FARP1: variants seen among roughly 807,000 people sequenced by gnomAD.
The protein encoded by FARP1 is FERM, ARH/RhoGEF and pleckstrin domain protein 1.
In FARP1, 52 loss-of-function variants were observed where a neutral mutation model predicts 128.8. The ratio of observed to expected loss-of-function variants is 0.40; its 90% CI spans 0.32 to 0.51. The LOEUF is 0.51. Among genes scored for constraint, FARP1 ranks in the 20% least tolerant of loss-of-function variants. The pLI is 0.45. For missense variants in FARP1, 1,333 were observed against 1,367.9 expected (o/e 0.97, Z 0.40); for synonymous variants, 580 against 551.8 (o/e 1.05, Z -0.72).
chr13:98,146,047 T>C (rs77405029), intron 1 of FARP1, among the ~76,000 whole-genome samples: 2,369 of 152,226 alleles, frequency 0.016, 39 homozygotes, highest in Middle Eastern at 0.058. Context: ...TATATATTTA[T>C]GAGGAGGATG....
At chr13:98,265,529 C>T (rs1361031027) in intron 2 of FARP1, among the ~76,000 whole-genome samples, 8 of 150,988 alleles carry the variant, frequency 5.3e-5, no homozygotes, top group African/African-American at 1.5e-4. Context: ...CCGTTTTAGC[C>T]GGGATGGTCT....
At chr13:98,164,162 A>G (rs529424226) in intron 1 of FARP1, among the ~76,000 whole-genome samples, 2 of 152,342 alleles carry the variant, frequency 1.3e-5, no homozygotes, top group African/African-American at 4.8e-5. Flanking sequence ...AGCATGTAAG[A>G]TTGTGCAGGA....
intron 17 of FARP1, among the ~76,000 whole-genome samples, 199 bp from the exon 18 acceptor site, chr13:98,430,844 T>C (rs1032866938): frequency 6.6e-6 from 1 of 152,232 alleles, no homozygotes; most frequent in Non-Finnish European, 1.5e-5. Flanking sequence ...AGTACCTTAA[T>C]AGGCCTTTTT....
At position 98,453,401 on chromosome 13, in the gene FARP1, A is replaced by C; in HGVS notation, c.*5084A>C. 1.7e-6 allele frequency: 1 copy of C among 605,458 alleles called. No homozygotes were observed. Among genetic ancestry groups the C allele is most frequent in the Admixed American group, 3.4e-5 (1 of 29,370 alleles). The allele number at this position is 605,458 out of a possible 1,614,324, so 37.5% of individuals were successfully genotyped here. ...AGACTGAGAAGATCATGATTCTTAC[A>C]CAAAAACTCCAGAGCATGTCACCAA... On this transcript the variant is annotated 3_prime_UTR_variant, in exon 27 of 27. Coordinates refer to ENST00000319562, the MANE Select transcript of FARP1 (RefSeq NM_005766.4).
intron 2 of FARP1, among the ~76,000 whole-genome samples, chr13:98,232,757 A>G (rs923939275): frequency 1.3e-5 from 2 of 152,352 alleles, no homozygotes; most frequent in African/African-American, 4.8e-5. Context: ...AACCAAACTC[A>G]TAGTATCTCC....
chr13:98,362,504 C>T (rs1252200439), intron 3 of FARP1, among the ~76,000 whole-genome samples: 4 of 152,208 alleles, frequency 2.6e-5, no homozygotes, highest in Non-Finnish European at 5.9e-5. Context: ...GTCCATGACA[C>T]AGTTCTCTCC....
chr13:98,409,611 T>A, intron 14 of FARP1, 86 bp downstream of exon 14: 2 of 1,267,282 alleles, frequency 1.6e-6, no homozygotes, highest in Non-Finnish European at 2.1e-6. Context: ...AAAATATACA[T>A]AAGAGCAAAG....
intron 2 of FARP1, among the ~76,000 whole-genome samples, chr13:98,341,422 A>G (rs1397972531): frequency 6.6e-6 from 1 of 152,286 alleles, no homozygotes; most frequent in South Asian, 2.1e-4. Context: ...TTACGAGGTC[A>G]GGAGTTCGAG....
rs1346867682 is a variant in FARP1, at chr13:98,424,624, A to G, written c.1879A>G (p.Met627Val). 2 of 1,613,838 alleles carry G rather than the reference A, an allele frequency of 1.2e-6. No homozygotes were observed. The highest frequency in any genetic ancestry group is 1.7e-5 in the Admixed American group (1 of 60,026). ...IRDYQRIGDV[M>V]LKNIQGMKHL... ...AGATTACCAAAGAATCGGCGATGTCATGCTGAAGAACATTCAGGGCATGAA... is the reference window on the plus strand; with the variant it reads ...AGATTACCAAAGAATCGGCGATGTCGTGCTGAAGAACATTCAGGGCATGAA... The change falls in exon 17 of 27, where the codon ATG becomes GTG. Residue 627 changes from methionine to valine, a missense_variant. Coordinates refer to ENST00000319562, the MANE Select transcript of FARP1 (RefSeq NM_005766.4).
chr13:98,162,747 C>T (rs773208412), intron 1 of FARP1, among the ~76,000 whole-genome samples: 3 of 152,176 alleles, frequency 2.0e-5, no homozygotes, highest in Non-Finnish European at 2.9e-5. Flanking sequence ...TAGAGATGCT[C>T]TAACAATGTT....
At chr13:98,244,488 C>G (rs1882951018) in intron 2 of FARP1, 2 of 1,613,862 alleles carry the variant, frequency 1.2e-6, no homozygotes, top group Middle Eastern at 1.7e-4. Context: ...CCTCTCTTCC[C>G]AGATGGTGTC....
intron 2 of FARP1, among the ~76,000 whole-genome samples, chr13:98,245,942 A>C (rs1480627774): frequency 1.3e-5 from 2 of 151,290 alleles, no homozygotes; most frequent in Non-Finnish European, 2.9e-5. Flanking sequence ...ATGCCCAGCC[A>C]ACTTTTTATA....
rs374586048 is a variant in FARP1, at chr13:98,377,962, A to G, written c.496+44A>G. The G allele has an allele frequency of 5.3e-4, 720 of 1,362,084 alleles. 4 individuals carry two copies. Among genetic ancestry groups the G allele is most frequent in the East Asian group, 1.8e-4 (8 of 43,632 alleles). The allele number at this position is 1,362,084 out of a possible 1,614,324, so 84.4% of individuals were successfully genotyped here. On this transcript the variant is annotated intron_variant, in intron 6 of 26. Transcript: ENST00000319562. The stretch of plus-strand genomic sequence containing the variant: ...CTTTGAAAATCATGTTCAAAATAAC[A>G]CAGTGATCTGATTGATGGGAAAAAA...
intron 2 of FARP1, among the ~76,000 whole-genome samples, chr13:98,305,055 T>C (rs1473990649): frequency 6.6e-6 from 1 of 152,146 alleles, no homozygotes. Context: ...AGGTTCACTG[T>C]AATTTGTGGT....
chr13:98,418,360 C>T (rs1160356216), intron 16 of FARP1, among the ~76,000 whole-genome samples: 1 of 152,086 alleles, frequency 6.6e-6, no homozygotes, highest in Non-Finnish European at 1.5e-5. Flanking sequence ...CTGCAACCTC[C>T]GTCTCCCAGG....
In FARP1 at chr13:98,296,116, A is replaced by G. The variant is rs1243085432; in HGVS notation, c.172-47646A>G. On this transcript the variant is annotated intron_variant, in intron 2 of 26. Transcript: ENST00000319562. ...GATGAGACCCGAGCATCGATACATT[A>G]TTTTAAAGAGCTTCCACATGGAGCA... Among the ~76,000 whole-genome samples the G allele has an allele frequency of 2.6e-5, 4 of 152,158 alleles. No individual in the cohort carries two copies. The East Asian group carries it at 5.8e-4, about 22-fold the overall frequency.
chr13:98,144,437 C>G (rs951405169), intron 1 of FARP1, among the ~76,000 whole-genome samples: 1 of 152,174 alleles, frequency 6.6e-6, no homozygotes, highest in East Asian at 1.9e-4. Context: ...CAGCCTCGGC[C>G]TCCCTGTCTC....
intron 1 of FARP1, among the ~76,000 whole-genome samples, chr13:98,212,584 G>A (rs192322806): frequency 2.4e-3 from 365 of 149,310 alleles, no homozygotes; most frequent in South Asian, 4.1e-3. Flanking sequence ...AGTATAGTGT[G>A]TAGAATGGCT....
At chr13:98,210,578 C>G in intron 1 of FARP1, among the ~76,000 whole-genome samples, 1 of 146,180 alleles carries the variant, frequency 6.8e-6, no homozygotes, top group Non-Finnish European at 1.5e-5. Context: ...GAGACAGAGT[C>G]TCGCTCTGTC....
Sources: allele counts gnomAD v4.1 joint callset (sites outside exome capture counted in the v4.1 genomes callset), GRCh38; gene constraint gnomAD v4.1.1; transcripts MANE v1.5; gene names NCBI Gene and HGNC (gene_info 2026-07-23, HGNC 2026-07-21).